Variants in IPPK observed in about 807,000 individuals in gnomAD.
IPPK encodes the protein inositol-pentakisphosphate 2-kinase.
In IPPK, 22 loss-of-function variants were observed where a neutral mutation model predicts 64.6. That is an observed-to-expected ratio of 0.34 (90% CI 0.24 to 0.49). The LOEUF (loss-of-function observed/expected upper bound fraction) is 0.49. IPPK is among the 20% of genes least tolerant of loss of function. IPPK has a pLI of 0.99. For missense variants in IPPK, 532 were observed against 630.7 expected (o/e 0.84, Z 1.68); for synonymous variants, 262 against 247.2 (o/e 1.06, Z -0.56).
intron 12 of IPPK, chr9:92,618,594 G>A (rs957595054): frequency 1.8e-5 from 8 of 456,404 alleles, no homozygotes; most frequent in Admixed American, 1.6e-4. Flanking sequence ...GCTTAATCCA[G>A]TTAAGGAATT....
chr9:92,665,442 T>C (rs1337390668), intron 1 of IPPK, among the ~76,000 whole-genome samples: 1 of 152,248 alleles, frequency 6.6e-6, no homozygotes, highest in Non-Finnish European at 1.5e-5. Context: ...GTGTATAAGA[T>C]CTTTATTTAC....
chr9:92,650,533 G>T (rs779597642), intron 4 of IPPK, among the ~76,000 whole-genome samples: 1 of 152,010 alleles, frequency 6.6e-6, no homozygotes, highest in African/African-American at 2.4e-5. Context: ...CTCCATATGG[G>T]AGAGTGAATA....
chr9:92,662,162 TA>T (rs569141967), intron 1 of IPPK, among the ~76,000 whole-genome samples: 1 of 152,082 alleles, frequency 6.6e-6, no homozygotes, highest in Non-Finnish European at 1.5e-5. Flanking sequence ...CTACTCCTCT[TA>T]AAAAAAGTAT....
chr9:92,654,780 C>A (rs979645661), intron 3 of IPPK, among the ~76,000 whole-genome samples: 2 of 152,334 alleles, frequency 1.3e-5, no homozygotes, highest in African/African-American at 4.8e-5. Context: ...AAAGGGACAA[C>A]TGCTCAGAAG....
chr9:92,645,722 C>T (rs537626371), intron 6 of IPPK, among the ~76,000 whole-genome samples: 3 of 152,066 alleles, frequency 2.0e-5, no homozygotes, highest in Admixed American at 2.0e-4. Context: ...ATCCTCAGTG[C>T]TAAAAGAAAG....
intron 2 of IPPK, among the ~76,000 whole-genome samples, chr9:92,657,215 G>A: frequency 6.6e-6 from 1 of 152,172 alleles, no homozygotes; most frequent in East Asian, 1.9e-4. Flanking sequence ...CAGGCATGGT[G>A]GCGGGCACCT....
At chr9:92,632,588 T>G (rs1851865303) in intron 11 of IPPK, among the ~76,000 whole-genome samples, 1 of 152,220 alleles carries the variant, frequency 6.6e-6, no homozygotes, top group Non-Finnish European at 1.5e-5. Context: ...ACACTGCTGT[T>G]TATACCTAAA....
At chr9:92,634,052 G>A (rs960143869) in intron 11 of IPPK, among the ~76,000 whole-genome samples, 4 of 152,252 alleles carry the variant, frequency 2.6e-5, no homozygotes, top group Admixed American at 6.5e-5. Flanking sequence ...ACCCTGGCAA[G>A]GGCCTTGTAG....
At chr9:92,634,849 C>G (rs559130715) in intron 10 of IPPK, among the ~76,000 whole-genome samples, 1 of 152,338 alleles carries the variant, frequency 6.6e-6, no homozygotes, top group East Asian at 1.9e-4. Flanking sequence ...TGACACAGAA[C>G]GACCTGCAGG....
chr9:92,641,854 G>A (rs1026994806), intron 7 of IPPK, among the ~76,000 whole-genome samples: 4 of 152,160 alleles, frequency 2.6e-5, no homozygotes, highest in African/African-American at 7.2e-5. Flanking sequence ...ACAGTGGAGC[G>A]AGAAAAACCG....
intron 2 of IPPK, among the ~76,000 whole-genome samples, chr9:92,657,948 C>T (rs914098346): frequency 6.6e-6 from 1 of 152,168 alleles, no homozygotes; most frequent in Non-Finnish European, 1.5e-5. Flanking sequence ...AGCCAGCCTC[C>T]GCCTGCTCCC....
intron 9 of IPPK, among the ~76,000 whole-genome samples, chr9:92,637,453 C>T (rs376432717): frequency 2.0e-5 from 3 of 152,220 alleles, no homozygotes; most frequent in Non-Finnish European, 2.9e-5. Flanking sequence ...CCAAGAATCA[C>T]GGGCAGCGTC....
In IPPK at chr9:92,669,952, A is replaced by AC. The variant is rs912773560; in HGVS notation, c.36dup (p.Tyr13ValfsTer7). The AC allele has an allele frequency of 1.2e-6, 2 of 1,612,912 alleles. No homozygotes were observed. Among genetic ancestry groups the AC allele is most frequent in the Admixed American group, 1.7e-5 (1 of 59,942 alleles). On this transcript the variant is annotated frameshift_variant, in exon 1 of 13. Transcript: ENST00000287996. LOFTEE classifies it high-confidence loss of function. ...AGGCTCTTATTGCCCTCTCCGTGGT[A>AC]CCCCCATTCATTCTCGTCCATCTTC...
chr9:92,651,778 TGA>T (rs1238980870), intron 4 of IPPK, among the ~76,000 whole-genome samples: 1 of 152,224 alleles, frequency 6.6e-6, no homozygotes, highest in Admixed American at 6.5e-5. Flanking sequence ...TACAGTGGCG[TGA>T]TCTCAGCTAA....
At position 92,644,594 on chromosome 9, in the gene IPPK, A is replaced by T. The variant is rs1852114377; in HGVS notation, c.505-1784T>A. ...TGCAGGAGGCCTTTTCCCCATGGGC[A>T]TTTGTCAAAAACATTTAGAGGCAAT... On this transcript the variant is annotated intron_variant, in intron 6 of 12. Transcript: ENST00000287996. Among the ~76,000 whole-genome samples, 3 of 152,154 alleles carry T rather than the reference A, an allele frequency of 2.0e-5. No homozygotes were observed. In the South Asian group the frequency reaches 6.2e-4, roughly 32 times the overall value.
At chr9:92,650,387 G>A (rs1052228095) in intron 4 of IPPK, among the ~76,000 whole-genome samples, 5 of 151,992 alleles carry the variant, frequency 3.3e-5, no homozygotes, top group African/African-American at 1.2e-4. Flanking sequence ...GTAGCTTCAC[G>A]CCTTATGGTA....
chr9:92,643,845 A>G (rs1852098833), intron 6 of IPPK, among the ~76,000 whole-genome samples: 1 of 152,286 alleles, frequency 6.6e-6, no homozygotes, highest in Non-Finnish European at 1.5e-5. Context: ...TTGTGGGCAC[A>G]GGAAGAAGTC....
intron 1 of IPPK, among the ~76,000 whole-genome samples, chr9:92,668,985 A>G (rs1038484966): frequency 2.0e-5 from 3 of 152,224 alleles, no homozygotes; most frequent in African/African-American, 7.2e-5. Context: ...TATCTGTCCA[A>G]GGGATGACAA....
intron 6 of IPPK, among the ~76,000 whole-genome samples, chr9:92,644,717 T>G (rs1237905715): frequency 6.6e-6 from 1 of 152,114 alleles, no homozygotes; most frequent in Non-Finnish European, 1.5e-5. Context: ...GAATACAGAC[T>G]TCACAAAATT....
Sources: gnomAD v4.1 joint callset for allele counts (sites outside exome capture counted in the v4.1 genomes callset) on GRCh38, gnomAD v4.1.1 for gene constraint, MANE v1.5 for transcripts, NCBI Gene and HGNC (gene_info 2026-07-23, HGNC 2026-07-21) for gene names.